Variants in DPP6 observed in about 807,000 individuals in gnomAD.
DPP6 encodes A-type potassium channel modulatory protein DPP6.
Under a neutral mutation model 122.6 loss-of-function variants are expected in DPP6, and 69 were observed. The observed-to-expected ratio is 0.56, with a 90% CI of 0.46 to 0.69. DPP6 has a LOEUF of 0.69. Ranked by LOEUF, DPP6 falls within the 30% of genes least tolerant of loss-of-function variation. The probability of loss-of-function intolerance (pLI) is 0.00; values close to 1 mark genes in which losing one functional copy is unlikely to be tolerated. For missense variants in DPP6, 928 were observed against 1,116.9 expected, an observed-to-expected ratio of 0.83 and a Z score of 2.41; for synonymous variants, 418 against 433.1, an observed-to-expected ratio of 0.97 and a Z score of 0.43.
chr7:154,689,167 A>G (rs1839800476), intron 7 of DPP6, among the ~76,000 whole-genome samples: 1 of 152,210 alleles, frequency 6.6e-6, no homozygotes, highest in Admixed American at 6.5e-5. Flanking sequence ...CTCGCCTTCT[A>G]GCTCATCATA....
intron 5 of DPP6, among the ~76,000 whole-genome samples, chr7:154,599,436 G>A (rs992074124): frequency 1.3e-5 from 2 of 151,948 alleles, no homozygotes; most frequent in Admixed American, 1.3e-4. Context: ...ATATTTGTGG[G>A]TAAGGCAAGA....
At chr7:154,852,534 C>CTCCCTCTCCTCCCTCTCT in intron 16 of DPP6, among the ~76,000 whole-genome samples, 1 of 152,162 alleles carries the variant, frequency 6.6e-6, no homozygotes, top group African/African-American at 2.4e-5. Flanking sequence ...CCTCCCTCTC[C>CTCCCTCTCCTCCCTCTCT]TGCCTTTCCT....
intron 20 of DPP6, among the ~76,000 whole-genome samples, chr7:154,880,493 C>T (rs1805299038): frequency 2.6e-5 from 4 of 152,226 alleles, no homozygotes. Context: ...CAGATTCCTG[C>T]CGACCCCTAA....
intron 1 of DPP6, among the ~76,000 whole-genome samples, chr7:154,347,598 T>C (rs1159577712): frequency 2.6e-5 from 4 of 152,234 alleles, no homozygotes; most frequent in Non-Finnish European, 4.4e-5. Flanking sequence ...TACATATAAA[T>C]ATGCCTATCT....
chr7:153,932,452 A>G (rs549626686), intron 1 of DPP6, among the ~76,000 whole-genome samples: 1 of 152,198 alleles, frequency 6.6e-6, no homozygotes, highest in African/African-American at 2.4e-5. Flanking sequence ...ACTATAAGCC[A>G]CTAGCATCCA....
At chr7:154,695,108 T>C (rs1343254333) in intron 7 of DPP6, among the ~76,000 whole-genome samples, 1 of 152,150 alleles carries the variant, frequency 6.6e-6, no homozygotes, top group Non-Finnish European at 1.5e-5. Flanking sequence ...GGTGAGATGG[T>C]ATCAAATGAA....
intron 3 of DPP6, among the ~76,000 whole-genome samples, chr7:154,519,798 GT>G (rs1406515472): frequency 1.3e-5 from 2 of 152,192 alleles, no homozygotes; most frequent in Admixed American, 6.5e-5. Flanking sequence ...ATATGATTCA[GT>G]TTTTTCCTTT....
At chr7:154,768,972 G>C (rs562467858) in intron 8 of DPP6, among the ~76,000 whole-genome samples, 95 of 152,318 alleles carry the variant, frequency 6.2e-4, no homozygotes, top group African/African-American at 2.2e-3. Context: ...GCCTCTGCCA[G>C]AGTTCACTTT....
intron 1 of DPP6, among the ~76,000 whole-genome samples, chr7:154,104,832 C>T (rs576712499): frequency 6.6e-6 from 1 of 151,814 alleles, no homozygotes; most frequent in Non-Finnish European, 1.5e-5. Flanking sequence ...AGTGTAAGAT[C>T]AGGTTTGAGG....
At chr7:154,271,044 C>T (rs1803754215) in intron 1 of DPP6, among the ~76,000 whole-genome samples, 1 of 152,168 alleles carries the variant, frequency 6.6e-6, no homozygotes, top group Non-Finnish European at 1.5e-5. Flanking sequence ...GTTGATGTTC[C>T]ACATCACAAG....
intron 10 of DPP6, among the ~76,000 whole-genome samples, chr7:154,784,536 T>C (rs1797223952): frequency 6.6e-6 from 1 of 152,206 alleles, no homozygotes; most frequent in Admixed American, 6.5e-5. Context: ...GTACACTCAG[T>C]GAGCTGATGT....
At chr7:154,523,298 A>G (rs75141206) in intron 3 of DPP6, among the ~76,000 whole-genome samples, 13,898 of 152,250 alleles carry the variant, frequency 0.091, 715 homozygotes, top group Admixed American at 0.16. Context: ...GTGAACACCT[A>G]TATTACCAGT....
intron 1 of DPP6, among the ~76,000 whole-genome samples, chr7:154,111,658 T>TGTGTGTGTGTGTG (rs71309603): frequency 2.0e-5 from 3 of 148,846 alleles, no homozygotes; most frequent in African/African-American, 7.5e-5. Context: ...TGTGTGTGTG[T>TGTGTGTGTGTGTG]TGCTTTGTTT....
chr7:154,520,473 A>G (rs573347223), intron 3 of DPP6, among the ~76,000 whole-genome samples: 2 of 152,366 alleles, frequency 1.3e-5, no homozygotes, highest in Non-Finnish European at 2.9e-5. Flanking sequence ...GGCAAAGCCT[A>G]AAATAGAGGC....
chr7:153,956,609 C>T (rs1802472818), intron 1 of DPP6, among the ~76,000 whole-genome samples: 1 of 152,166 alleles, frequency 6.6e-6, no homozygotes. Flanking sequence ...CATTCTGGCA[C>T]ATTTTTCAGC....
At chr7:154,295,875 TC>T (rs1185082479) in intron 1 of DPP6, among the ~76,000 whole-genome samples, 2 of 152,136 alleles carry the variant, frequency 1.3e-5, no homozygotes, top group African/African-American at 4.8e-5. Context: ...GTGTCTATGT[TC>T]CCTCCCTGTT....
Position 154,508,205 on chromosome 7 carries a change from C to T in DPP6, c.458-32327C>T, listed in dbSNP as rs574359841. ...TCCAAGATAGCCCCCCTTTAGTGAA[C>T]TCCTGTCTCCTATGCAGTTCCATCT... On this transcript the variant is annotated intron_variant, in intron 3 of 25. Transcript: ENST00000377770. Among the ~76,000 whole-genome samples, 309 of 152,248 alleles carry T rather than the reference C, an allele frequency of 2.0e-3. 1 individual carries two copies. The Middle Eastern group carries it at 0.024, about 12-fold the overall frequency.
chr7:154,531,401 A>G (rs2130118702), intron 3 of DPP6, among the ~76,000 whole-genome samples: 2 of 152,358 alleles, frequency 1.3e-5, no homozygotes, highest in South Asian at 4.1e-4. Context: ...AAACAAAACA[A>G]AAAACCCTAT....
chr7:154,670,358 A>G (rs1838481121), intron 7 of DPP6, among the ~76,000 whole-genome samples: 1 of 152,128 alleles, frequency 6.6e-6, no homozygotes, highest in Non-Finnish European at 1.5e-5. Flanking sequence ...GGCCCTGAAC[A>G]CTATTTCTAA....
Sources: gnomAD v4.1 joint callset for allele counts (sites outside exome capture counted in the v4.1 genomes callset) on GRCh38, gnomAD v4.1.1 for gene constraint, MANE v1.5 for transcripts, NCBI Gene and HGNC (gene_info 2026-07-23, HGNC 2026-07-21) for gene names.